SIN3B: variants seen among roughly 807,000 people sequenced by gnomAD.
The protein encoded by SIN3B is SIN3 transcription regulator family member B.
A neutral mutation model predicts 120.2 loss-of-function variants in SIN3B; 19 were observed. That is an observed-to-expected ratio of 0.16 (90% CI 0.11 to 0.23). The LOEUF is 0.23. SIN3B is among the 10% of genes least tolerant of loss of function. SIN3B has a pLI of 1.00. For synonymous variants in SIN3B, 654 were observed against 653.2 expected (o/e 1.00, Z -0.02); for missense variants, 1,073 against 1,573.0 (o/e 0.68, Z 5.38).
At chr19:16,872,867 G>C (rs1252169079) in intron 14 of SIN3B, among the ~76,000 whole-genome samples, 2 of 152,158 alleles carry the variant, frequency 1.3e-5, no homozygotes, top group Non-Finnish European at 2.9e-5. Flanking sequence ...GAGATGAACC[G>C]GCCAAGGATT....
intron 10 of SIN3B, 55 bp from the exon 11 acceptor site, chr19:16,865,355 C>T (rs1176245054): frequency 9.2e-7 from 1 of 1,083,574 alleles, no homozygotes; most frequent in Non-Finnish European, 1.3e-6. Context: ...AGGCTCCTCT[C>T]TGAGGCCTCT....
At chr19:16,872,866 C>T (rs1032878834) in intron 14 of SIN3B, among the ~76,000 whole-genome samples, 4 of 152,166 alleles carry the variant, frequency 2.6e-5, no homozygotes, top group Non-Finnish European at 4.4e-5. Context: ...TGAGATGAAC[C>T]GGCCAAGGAT....
chr19:16,836,321 T>G (rs563007423), intron 3 of SIN3B, among the ~76,000 whole-genome samples: 4 of 152,006 alleles, frequency 2.6e-5, no homozygotes, highest in Non-Finnish European at 5.9e-5. Flanking sequence ...CAGGCCGTGG[T>G]GTGTGGCCAG....
chr19:16,869,316 C>A, intron 12 of SIN3B, 144 bp from the exon 13 acceptor site: 1 of 1,057,768 alleles, frequency 9.5e-7, no homozygotes, highest in Non-Finnish European at 1.3e-6. Context: ...GGCCCTGCTG[C>A]CTCACCGATG....
rs1427408344 is a variant in SIN3B at position 16,862,581 on chromosome 19, A to G, written c.1266+22A>G. Reference sequence around the variant, plus strand: ...GGAGGTAGCGCTCCCTGGGGCTCAAATGTTCGTTGACATGGTGCATCCCCC... The same window carrying G: ...GGAGGTAGCGCTCCCTGGGGCTCAAGTGTTCGTTGACATGGTGCATCCCCC... On this transcript the variant is annotated intron_variant, in intron 9 of 18. Coordinates refer to ENST00000248054, the MANE Select transcript of SIN3B (RefSeq NM_001297595.2). This position sits in a 1 kb window ranked among gnomAD's most constrained non-coding sequence, Gnocchi z 4.7. 2.5e-6 allele frequency: 4 copies of G among 1,599,506 alleles called. No homozygotes were observed. Among genetic ancestry groups the G allele is most frequent in the African/African-American group, 2.7e-5 (2 of 74,548 alleles).
At chr19:16,836,742 G>A (rs1230307765) in intron 3 of SIN3B, among the ~76,000 whole-genome samples, 2 of 152,176 alleles carry the variant, frequency 1.3e-5, no homozygotes, top group Non-Finnish European at 2.9e-5. Context: ...ACCCTGCCTC[G>A]TGGAAGATGA....
intron 5 of SIN3B, among the ~76,000 whole-genome samples, chr19:16,850,711 G>A (rs150763746): frequency 6.6e-6 from 1 of 152,082 alleles, no homozygotes; most frequent in Non-Finnish European, 1.5e-5. Flanking sequence ...GAAAAGCTGC[G>A]GTCTGTCCAT....
Position 16,878,484 on chromosome 19 carries a change from G to A in SIN3B, c.3163-13G>A, listed in dbSNP as rs1357642819. 2 of 1,563,566 alleles carry A rather than the reference G, an allele frequency of 1.3e-6. No homozygotes were observed. ...CAGCCCTCAGCTGCCCTGACACCCG[G>A]CCTCTTCAACAGGTGCAGCCCCTGG... On this transcript the variant is annotated splice_polypyrimidine_tract_variant and intron_variant, in intron 18 of 18. Coordinates refer to ENST00000248054, the MANE Select transcript of SIN3B (RefSeq NM_001297595.2).
At chr19:16,838,046 G>A (rs907467857) in intron 3 of SIN3B, among the ~76,000 whole-genome samples, 1 of 152,172 alleles carries the variant, frequency 6.6e-6, no homozygotes, top group Non-Finnish European at 1.5e-5. Context: ...GGCACGGGGA[G>A]AGAGGAGGTG....
chr19:16,865,254 A>G lies in SIN3B; in HGVS notation c.1384-156A>G, dbSNP rs905535468. The G allele has an allele frequency of 4.9e-6, 3 of 608,926 alleles. No individual in the cohort carries two copies. The African/African-American group carries it at 5.5e-5, about 11-fold the overall frequency. 37.7% of individuals were successfully genotyped at this position (608,926 alleles called of 1,614,324 possible). A position where few individuals can be genotyped will look rare whatever the true frequency, so the allele number is the denominator to read the frequency against. On this transcript the variant is annotated intron_variant, in intron 10 of 18. Coordinates refer to ENST00000248054, the MANE Select transcript of SIN3B (RefSeq NM_001297595.2). ...GGCTGCAGTGAGCTTTGATTGTGCCACAGCACTCAAGTCTGGGTGACAGAG... is the reference window on the plus strand; with the variant it reads ...GGCTGCAGTGAGCTTTGATTGTGCCGCAGCACTCAAGTCTGGGTGACAGAG...
chr19:16,835,845 G>C (rs1157564560), intron 3 of SIN3B, among the ~76,000 whole-genome samples: 1 of 152,128 alleles, frequency 6.6e-6, no homozygotes, highest in African/African-American at 2.4e-5. Context: ...AACAGAGACA[G>C]GGTTTCACCA....
chr19:16,849,662 A>C (rs909427890), intron 5 of SIN3B, among the ~76,000 whole-genome samples: 4 of 152,226 alleles, frequency 2.6e-5, no homozygotes, highest in African/African-American at 9.6e-5. Context: ...GTTGGGGAAG[A>C]TCTGCTATAC....
At chr19:16,865,974 C>T (rs1246593671) in intron 11 of SIN3B, among the ~76,000 whole-genome samples, 2 of 152,156 alleles carry the variant, frequency 1.3e-5, no homozygotes, top group African/African-American at 2.4e-5. Context: ...TTTCGGATGC[C>T]GTCCGGCGCT....
intron 4 of SIN3B, chr19:16,846,489 TG>T (rs1484215798): frequency 6.5e-6 from 1 of 153,472 alleles, no homozygotes; most frequent in African/African-American, 2.4e-5. Context: ...GGCCCGTTCC[TG>T]CCTTCCAACC....
At chr19:16,853,986 GC>G (rs1364476419) in intron 7 of SIN3B, among the ~76,000 whole-genome samples, 156 bp from the exon 8 acceptor site, 1 of 152,190 alleles carries the variant, frequency 6.6e-6, no homozygotes, top group Non-Finnish European at 1.5e-5. Flanking sequence ...TGCATGGATT[GC>G]GTGCATGGGC....
At chr19:16,843,830 C>T (rs548021566) in intron 4 of SIN3B, among the ~76,000 whole-genome samples, 59 of 145,500 alleles carry the variant, frequency 4.1e-4, no homozygotes, top group African/African-American at 1.4e-3. Flanking sequence ...AGGGCCCGCC[C>T]GGCATCGGCA....
chr19:16,832,230 C>T lies in SIN3B; in HGVS notation c.381+583C>T, dbSNP rs545321264. ...TTTTTTTTTTGGAGACGGAGTCTGG[C>T]TCTGTCACCCAGGCTGGAGTGCAGT... On this transcript the variant is annotated intron_variant, in intron 3 of 18. Transcript: ENST00000248054. Among the ~76,000 whole-genome samples the T allele has an allele frequency of 5.1e-5, 7 of 136,534 alleles. No homozygotes were observed. The East Asian group carries it at 1.6e-3, about 31-fold the overall frequency. 89.6% of individuals were successfully genotyped at this position (136,534 alleles called of 152,430 possible).
intron 12 of SIN3B, among the ~76,000 whole-genome samples, 161 bp from the exon 13 acceptor site, chr19:16,869,299 C>T (rs974074852): frequency 6.6e-6 from 1 of 152,178 alleles, no homozygotes; most frequent in Non-Finnish European, 1.5e-5. Context: ...AAGCGACCTA[C>T]CCCCCAGGCC....
chr19:16,862,661 C>A lies in SIN3B; in HGVS notation c.1266+102C>A. On this transcript the variant is annotated intron_variant, in intron 9 of 18. Transcript: ENST00000248054. The surrounding 1 kb of genome is among the most constrained non-coding windows in gnomAD (Gnocchi z 4.7). ...CGTTATGAATGAAATGCTGTGTGCTCAGCCCTCCTGAATGTTGGGTTATGG... is the reference window on the plus strand; with the variant it reads ...CGTTATGAATGAAATGCTGTGTGCTAAGCCCTCCTGAATGTTGGGTTATGG... The A allele has an allele frequency of 8.0e-7, 1 of 1,252,246 alleles. No homozygotes were observed. Among genetic ancestry groups the A allele is most frequent in the South Asian group, 1.2e-5 (1 of 80,024 alleles). The allele number at this position is 1,252,246 out of a possible 1,614,324, so 77.6% of individuals were successfully genotyped here. A position where few individuals can be genotyped will look rare whatever the true frequency, so the allele number is the denominator to read the frequency against.
Sources: allele counts gnomAD v4.1 joint callset (sites outside exome capture counted in the v4.1 genomes callset), GRCh38; gene constraint gnomAD v4.1.1; non-coding constraint Gnocchi (gnomAD v3.1); transcripts MANE v1.5; gene names NCBI Gene and HGNC (gene_info 2026-07-23, HGNC 2026-07-21).